POLD1: variants seen among roughly 807,000 people sequenced by gnomAD.
POLD1 encodes DNA polymerase delta 1, catalytic subunit.
POLD1 carries 79 observed loss-of-function variants against 129.7 expected under a neutral mutation model. The observed-to-expected ratio is 0.61, with a 90% CI of 0.51 to 0.73. The LOEUF (loss-of-function observed/expected upper bound fraction) is 0.73, where lower values mean the gene tolerates loss of function less well. Among genes scored for constraint, POLD1 ranks in the 30% least tolerant of loss-of-function variants. The pLI is 0.00. For missense variants in POLD1, 1,338 were observed against 1,595.8 expected (o/e 0.84, Z 2.75); for synonymous variants, 714 against 683.3 (o/e 1.04, Z -0.70).
At chr19:50,400,952 T>C (rs991509838) in intron 3 of POLD1, among the ~76,000 whole-genome samples, 3 of 151,626 alleles carry the variant, frequency 2.0e-5, no homozygotes, top group Non-Finnish European at 2.9e-5. Flanking sequence ...CGCCTCAGCC[T>C]CCCAAAGTGC....
chr19:50,413,191 T>C (rs1048078873), intron 17 of POLD1, among the ~76,000 whole-genome samples: 3 of 152,164 alleles, frequency 2.0e-5, no homozygotes, highest in Non-Finnish European at 4.4e-5. Flanking sequence ...GTCACTTCCT[T>C]GTGCATGTCC....
Position 50,409,587 on chromosome 19 carries a change from C to T in POLD1, c.2075C>T (p.Ala692Val), listed in dbSNP as rs2039022097. 6.2e-7 allele frequency: 1 copy of T among 1,613,258 alleles called. No individual in the cohort carries two copies. Among genetic ancestry groups the T allele is most frequent in the African/African-American group, 1.3e-5 (1 of 74,950 alleles). Residue 692 changes from alanine (A) to valine (V), a missense_variant, in exon 17 of 27, where the codon GCG becomes GTG. By Grantham distance (64) the Ala-to-Val change is moderately conservative. Around this residue, in one of 3 missense-constraint regions of POLD1, gnomAD observed 720 missense variants for 1,002.6 expected, o/e 0.72. Transcript: ENST00000440232. The surrounding 1 kb of genome is among the most constrained non-coding windows in gnomAD (Gnocchi z 5.8). ...RRQVLDGRQL[A>V]LKVSANSVYG... is the part of the protein sequence containing the mutation. ...CAGGTCCTGGATGGACGGCAGCTGG[C>T]GCTGAAGGTGAGCGCCAACTCCGTA...
intron 1 of POLD1, among the ~76,000 whole-genome samples, chr19:50,391,743 G>T (rs933312420): frequency 1.3e-5 from 2 of 151,428 alleles, no homozygotes; most frequent in South Asian, 4.2e-4. Context: ...CCACTCCCCC[G>T]CTCTTGTTGC....
chr19:50,406,309 T>C lies in POLD1; in HGVS notation c.1370T>C (p.Met457Thr). Residue 457 changes from methionine to threonine, a missense_variant, in exon 11 of 27, where the codon ATG becomes ACG. Met to Thr is a moderately conservative substitution (Grantham distance 81). Transcript: ENST00000440232. The surrounding 1 kb of genome is among the most constrained non-coding windows in gnomAD (Gnocchi z 5.5). ...KVVSMVGRVQ[M>T]DMLQVLLREY... ...GTCAGCATGGTGGGCCGCGTGCAGA[T>C]GGACATGCTGCAGGTATGGGCGGGA... 1.2e-6 allele frequency: 2 copies of C among 1,613,912 alleles called. No homozygotes were observed. The highest frequency in any genetic ancestry group is 1.6e-4 in the Middle Eastern group (1 of 6,062).
At position 50,403,143 on chromosome 19, in the gene POLD1, C is replaced by T. The variant is rs140990974; in HGVS notation, c.1061C>T (p.Ala354Val). 127 of 1,561,188 alleles carry T rather than the reference C, an allele frequency of 8.1e-5. No individual in the cohort carries two copies. In the African/African-American group the frequency reaches 1.6e-3, roughly 20 times the overall value. Residue 354 changes from alanine to valine, a missense_variant, in exon 9 of 27, where the codon GCG becomes GTG. Ala to Val is a moderately conservative substitution (Grantham distance 64). Around this residue, in one of 3 missense-constraint regions of POLD1, gnomAD observed 720 missense variants for 1,002.6 expected, o/e 0.72. Coordinates refer to ENST00000440232, the MANE Select transcript of POLD1 (RefSeq NM_002691.4). Reference sequence around the variant, plus strand: ...GAGCCGGAGCCCTTCCTACGCCTGGCGCTCACCCTGCGGCCCTGTGCCCCC... The same window carrying T: ...GAGCCGGAGCCCTTCCTACGCCTGGTGCTCACCCTGCGGCCCTGTGCCCCC... Reference protein sequence around the residue: ...WGEPEPFLRLALTLRPCAPIL... With the variant: ...WGEPEPFLRLVLTLRPCAPIL...
intron 1 of POLD1, among the ~76,000 whole-genome samples, chr19:50,398,002 A>G (rs1439012788): frequency 6.6e-6 from 1 of 152,012 alleles, no homozygotes; most frequent in Non-Finnish European, 1.5e-5. Flanking sequence ...TCTGCAAGGA[A>G]CTCTCAAATT....
At chr19:50,407,725 ATTTTTTTTTTT>A (rs571759517) in intron 14 of POLD1, among the ~76,000 whole-genome samples, 1 of 95,336 alleles carries the variant, frequency 1.0e-5, no homozygotes, top group Non-Finnish European at 2.1e-5. Flanking sequence ...CGCCTGGCTA[ATTTTTTTTTTT>A]TTTTTTTTTT....
At chr19:50,391,464 G>A (rs2038165765) in intron 1 of POLD1, among the ~76,000 whole-genome samples, 1 of 152,206 alleles carries the variant, frequency 6.6e-6, no homozygotes, top group Admixed American at 6.5e-5. Context: ...GGGAGGCCCA[G>A]GCGGGCAGAT....
In POLD1 at chr19:50,414,910, C is replaced by T; in HGVS notation, c.2484C>T (p.Gly828=). The T allele has an allele frequency of 6.2e-7, 1 of 1,611,094 alleles. No individual in the cohort carries two copies. The highest frequency in any genetic ancestry group is 1.1e-5 in the South Asian group (1 of 90,816). Residue 828 remains glycine (G), a synonymous_variant, in exon 20 of 27, where the codon GGC becomes GGT. Coordinates refer to ENST00000440232, the MANE Select transcript of POLD1 (RefSeq NM_002691.4). ...PDAHDRMDCK[G]LEAVRRDNCP... is the part of the protein sequence containing the mutation. The stretch of plus-strand genomic sequence containing the variant: ...CCCACGACCGCATGGACTGCAAGGG[C>T]CTGGAGGCCGTGCGCAGGGACAACT...
rs2039218202 is a variant in POLD1 at position 50,414,887 on chromosome 19, C to T, written c.2461C>T (p.His821Tyr). 1 of 1,609,282 alleles carries T rather than the reference C, an allele frequency of 6.2e-7. No homozygotes were observed. The highest frequency in any genetic ancestry group is 8.5e-7 in the Non-Finnish European group (1 of 1,176,812). The stretch of plus-strand genomic sequence containing the variant: ...GCTCTTCTCCTCCCGGCCCGACGCC[C>T]ACGACCGCATGGACTGCAAGGGCCT... ...GLLFSSRPDA[H>Y]DRMDCKGLEA... Residue 821 changes from histidine (H) to tyrosine (Y), a missense_variant, in exon 20 of 27, where the codon CAC (histidine) becomes TAC (tyrosine). His to Tyr is a moderately conservative substitution (Grantham distance 83). Coordinates refer to ENST00000440232, the MANE Select transcript of POLD1 (RefSeq NM_002691.4).
At chr19:50,416,363 G>A in intron 22 of POLD1, 33 bp from the exon 23 acceptor site, 1 of 1,545,386 alleles carries the variant, frequency 6.5e-7, no homozygotes, top group Non-Finnish European at 8.7e-7. Context: ...CCCTTTCCCT[G>A]GCTGCCCGGG....
chr19:50,400,779 C>A (rs1227403988), intron 3 of POLD1, among the ~76,000 whole-genome samples: 1 of 150,840 alleles, frequency 6.6e-6, no homozygotes, highest in Non-Finnish European at 1.5e-5. Flanking sequence ...TCACTGCAAG[C>A]TCTGCCTCCC....
rs371542643 is a variant in POLD1, at chr19:50,413,883, C to T, written c.2388+4C>T. On this transcript the variant is annotated splice_donor_region_variant and intron_variant, in intron 19 of 26. Coordinates refer to ENST00000440232, the MANE Select transcript of POLD1 (RefSeq NM_002691.4). Reference sequence around the variant, plus strand: ...CATCCGGCTGGAGTTTGAGAAGGTGCGTGGCTGGGTCAGGGGCTCTGCATT... The same window carrying T: ...CATCCGGCTGGAGTTTGAGAAGGTGTGTGGCTGGGTCAGGGGCTCTGCATT... 5.0e-6 allele frequency: 8 copies of T among 1,593,396 alleles called. No individual in the cohort carries two copies. Among genetic ancestry groups the T allele is most frequent in the Middle Eastern group, 3.4e-4 (2 of 5,942 alleles).
chr19:50,413,603 G>C, intron 18 of POLD1, 82 bp downstream of exon 18: 2 of 1,528,050 alleles, frequency 1.3e-6, no homozygotes, highest in South Asian at 1.1e-5. Flanking sequence ...CCATGTCCCC[G>C]TGCCTCCTGG....
intron 1 of POLD1, among the ~76,000 whole-genome samples, chr19:50,391,524 C>T (rs529195382): frequency 1.3e-5 from 2 of 152,158 alleles, no homozygotes; most frequent in Non-Finnish European, 2.9e-5. Flanking sequence ...GGCGAAACCC[C>T]GTCTCCACCA....
rs1174743395 is a variant in POLD1, at chr19:50,416,593, T to C, written c.2954-17T>C. 2 of 1,551,458 alleles carry C rather than the reference T, an allele frequency of 1.3e-6. No homozygotes were observed. The highest frequency in any genetic ancestry group is 3.9e-5 in the Admixed American group (2 of 51,906). Reference sequence around the variant, plus strand: ...CAGAGGAGATCACCGGCCCACCACCTGCCTCCTCTCCTGCAGGGGGGGACC... The same window carrying C: ...CAGAGGAGATCACCGGCCCACCACCCGCCTCCTCTCCTGCAGGGGGGGACC... On this transcript the variant is annotated splice_polypyrimidine_tract_variant and intron_variant, in intron 23 of 26. Coordinates refer to ENST00000440232, the MANE Select transcript of POLD1 (RefSeq NM_002691.4).
rs201006221 is a variant in POLD1 at position 50,399,413 on chromosome 19, C to G, written c.245C>G (p.Pro82Arg). 7 of 1,614,196 alleles carry G rather than the reference C, an allele frequency of 4.3e-6. No homozygotes were observed. The South Asian group carries it at 7.7e-5, about 18-fold the overall frequency. ...GCCATAGATCCTCGCTGGCTTCGGC[C>G]CACACCACCAGCGCTGGACCCCCAG... Reference protein sequence around the residue: ...PSAIDPRWLRPTPPALDPQTE... With the variant: ...PSAIDPRWLRRTPPALDPQTE... Residue 82 changes from proline (P) to arginine (R), a missense_variant, in exon 3 of 27, where the codon CCC becomes CGC. Coordinates refer to ENST00000440232, the MANE Select transcript of POLD1 (RefSeq NM_002691.4).
In POLD1 at chr19:50,391,408, A is replaced by G. The variant is rs2038162314; in HGVS notation, c.-2+7018A>G. Among the ~76,000 whole-genome samples the G allele has an allele frequency of 2.0e-5, 3 of 152,274 alleles. No individual in the cohort carries two copies. The South Asian group carries it at 6.2e-4, about 32-fold the overall frequency. ...GCCACTGCACTCCAGCCTGGGCACC[A>G]TTGAGCACTGAGTGAGCGAGACTCC... On this transcript the variant is annotated intron_variant, in intron 1 of 26. Coordinates refer to ENST00000440232, the MANE Select transcript of POLD1 (RefSeq NM_002691.4).
chr19:50,415,402 C>G (rs1289026949), intron 20 of POLD1, 36 bp from the exon 21 acceptor site: 1 of 1,593,192 alleles, frequency 6.3e-7, no homozygotes, highest in Admixed American at 1.7e-5. Context: ...GCCCTCAGTG[C>G]CTTTTGGTGA....
Sources: allele counts gnomAD v4.1 joint callset (sites outside exome capture counted in the v4.1 genomes callset), GRCh38; gene constraint gnomAD v4.1.1; regional missense constraint gnomAD v4.1.1; non-coding constraint Gnocchi (gnomAD v3.1); transcripts MANE v1.5; gene names NCBI Gene and HGNC (gene_info 2026-07-23, HGNC 2026-07-21).